Variants in DMD observed in about 807,000 individuals in gnomAD.
DMD encodes dystrophin.
DMD carries 63 observed loss-of-function variants against 330.1 expected under a neutral mutation model. The ratio of observed to expected loss-of-function variants is 0.19; its 90% confidence interval spans 0.16 to 0.24. DMD has a LOEUF of 0.24. DMD is among the 10% of genes least tolerant of loss of function. The pLI is 1.00. For missense variants in DMD, 3,344 were observed against 2,684.1 expected, an observed-to-expected ratio of 1.25 and a Z score of -5.43; for synonymous variants, 1,223 against 959.8, an observed-to-expected ratio of 1.27 and a Z score of -5.07.
At chrX:32,936,062 A>AC (rs1180706862) in intron 2 of DMD, among the ~76,000 whole-genome samples, 24 of 111,010 alleles carry the variant, frequency 2.2e-4, no homozygotes, top group Non-Finnish European at 9.4e-5. Flanking sequence ...TCACACACAC[A>AC]AAAAAAACTG....
At chrX:32,284,231 G>T (rs2097431082) in intron 43 of DMD, among the ~76,000 whole-genome samples, 2 of 111,667 alleles carry the variant, frequency 1.8e-5, no homozygotes, top group South Asian at 7.5e-4. Flanking sequence ...TCTGTTAGTT[G>T]TAACTCAGAA....
chrX:32,820,936 A>G (rs923764613), intron 5 of DMD, among the ~76,000 whole-genome samples: 5 of 111,464 alleles, frequency 4.5e-5, no homozygotes, highest in African/African-American at 1.6e-4. Flanking sequence ...TTCCTTCCTC[A>G]AGATATTTTG....
At chrX:32,083,796 C>T (rs1008009564) in intron 44 of DMD, among the ~76,000 whole-genome samples, 16 of 112,700 alleles carry the variant, frequency 1.4e-4, no homozygotes, top group African/African-American at 4.8e-4. Context: ...CTTCTGCCTG[C>T]TCTTCTGTTC....
intron 12 of DMD, among the ~76,000 whole-genome samples, chrX:32,610,585 C>A (rs757230957): frequency 1.6e-3 from 179 of 110,867 alleles, no homozygotes; most frequent in African/African-American, 5.5e-3. Context: ...TCTTGCCCTC[C>A]AGTTGAGAGA....
intron 44 of DMD, among the ~76,000 whole-genome samples, chrX:32,069,538 T>A (rs73454076): frequency 0.14 from 15,338 of 111,440 alleles, 1,214 homozygotes; most frequent in African/African-American, 0.31. Flanking sequence ...TTTATCTATG[T>A]TATGTAAGGG....
At chrX:31,345,390 T>C (rs2058030279) in intron 61 of DMD, among the ~76,000 whole-genome samples, 1 of 111,889 alleles carries the variant, frequency 8.9e-6, no homozygotes, top group Non-Finnish European at 1.9e-5. Context: ...ATTTTCACAC[T>C]AATAAAATGC....
chrX:32,804,615 G>T (rs2076820933), intron 7 of DMD, among the ~76,000 whole-genome samples: 1 of 112,592 alleles, frequency 8.9e-6, no homozygotes, highest in Admixed American at 9.4e-5. Flanking sequence ...CACAGCACTG[G>T]AGCTCTGCTA....
chrX:32,720,968 A>G (rs774393229), intron 7 of DMD, among the ~76,000 whole-genome samples: 1 of 111,079 alleles, frequency 9.0e-6, no homozygotes, highest in Non-Finnish European at 1.9e-5. Context: ...ATAACGTAGC[A>G]TATTTTTTTC....
intron 34 of DMD, among the ~76,000 whole-genome samples, chrX:32,376,174 G>A (rs1463549457): frequency 9.0e-6 from 1 of 111,453 alleles, no homozygotes; most frequent in Non-Finnish European, 1.9e-5. Flanking sequence ...CCAGCTACCC[G>A]GGAGGCTGGG....
intron 2 of DMD, among the ~76,000 whole-genome samples, chrX:32,921,601 C>T (rs928820612): frequency 9.0e-6 from 1 of 111,299 alleles, no homozygotes; most frequent in Non-Finnish European, 1.9e-5. Context: ...CACAGAAAAC[C>T]GCAATGCCAG....
intron 18 of DMD, among the ~76,000 whole-genome samples, chrX:32,506,105 C>T (rs1401728336): frequency 8.9e-6 from 1 of 111,803 alleles, no homozygotes; most frequent in East Asian, 2.8e-4. Context: ...AAATACATGT[C>T]ATTGTAAATT....
At chrX:31,613,312 T>C (rs1056435446) in intron 55 of DMD, among the ~76,000 whole-genome samples, 1 of 111,718 alleles carries the variant, frequency 9.0e-6, no homozygotes, top group African/African-American at 3.3e-5. Flanking sequence ...TTTAATTTCT[T>C]GTCCCTTAGG....
At chrX:32,507,568 A>C (rs939428732) in intron 18 of DMD, among the ~76,000 whole-genome samples, 1 of 111,604 alleles carries the variant, frequency 9.0e-6, no homozygotes, top group African/African-American at 3.3e-5. Context: ...AGTTATTCTA[A>C]TATAAATAGT....
At chrX:31,269,489 G>A (rs1390759465) in intron 62 of DMD, among the ~76,000 whole-genome samples, 1 of 111,427 alleles carries the variant, frequency 9.0e-6, no homozygotes, top group East Asian at 2.8e-4. Flanking sequence ...CCACTGTCTA[G>A]AATGGTGCAA....
chrX:31,564,336 T>C (rs1231200313), intron 55 of DMD, among the ~76,000 whole-genome samples: 2 of 112,118 alleles, frequency 1.8e-5, no homozygotes, highest in Admixed American at 9.5e-5. Flanking sequence ...GAGAGAAGCA[T>C]AATTCAGAAG....
At position 31,903,945 on chromosome X, in the gene DMD, A is replaced by G. The variant is rs188180339; in HGVS notation, c.6912+25651T>C. Among the ~76,000 whole-genome samples the G allele has an allele frequency of 8.1e-3, 909 of 112,062 alleles. 10 individuals are homozygous for G. Among genetic ancestry groups the G allele is most frequent in the African/African-American group, 0.027 (838 of 30,922 alleles). On this transcript the variant is annotated intron_variant, in intron 47 of 78. Transcript: ENST00000357033. ...TTTGAAAAAATAATAGGAATTTTATAGACATTCATTATATAAAAAATAAAA... is the reference window on the plus strand; with the variant it reads ...TTTGAAAAAATAATAGGAATTTTATGGACATTCATTATATAAAAAATAAAA...
At chrX:31,851,458 G>A (rs1182479558) in intron 48 of DMD, among the ~76,000 whole-genome samples, 2 of 111,949 alleles carry the variant, frequency 1.8e-5, no homozygotes, top group African/African-American at 6.5e-5. Context: ...GGGCATAGGT[G>A]TGACCATCAA....
chrX:31,548,531 TTGGAAATTA>T (rs1319563152), intron 55 of DMD, among the ~76,000 whole-genome samples: 3 of 110,568 alleles, frequency 2.7e-5, no homozygotes, highest in African/African-American at 9.8e-5. Flanking sequence ...TGAAGTCATT[TTGGAAATTA>T]TGTAGCTTTT....
intron 7 of DMD, among the ~76,000 whole-genome samples, chrX:32,713,746 C>G (rs1056755669): frequency 1.8e-5 from 2 of 111,564 alleles, no homozygotes; most frequent in African/African-American, 3.3e-5. Context: ...CACAGAGAGT[C>G]GCATACATAC....
Sources: allele counts gnomAD v4.1 joint callset (sites outside exome capture counted in the v4.1 genomes callset), GRCh38; gene constraint gnomAD v4.1.1; transcripts MANE v1.5; gene names NCBI Gene and HGNC (gene_info 2026-07-23, HGNC 2026-07-21).